The following FAM185A variants were observed in gnomAD, a reference collection of about 807,000 sequenced individuals.
The protein encoded by FAM185A is protein FAM185A.
Under a neutral mutation model 45.7 loss-of-function variants are expected in FAM185A, and 21 were observed. The observed-to-expected ratio is 0.46, with a 90% CI of 0.33 to 0.66. The LOEUF (loss-of-function observed/expected upper bound fraction) is 0.66, where lower values mean the gene tolerates loss of function less well. Ranked by LOEUF, FAM185A falls within the 30% of genes least tolerant of loss-of-function variation. FAM185A has a pLI of 0.03. For synonymous variants in FAM185A, 117 were observed against 194.0 expected (o/e 0.60, Z 3.30); for missense variants, 305 against 485.4 (o/e 0.63, Z 3.49).
chr7:102,772,413 T>G lies in FAM185A; in HGVS notation c.798T>G (p.Asn266Lys). The G allele has an allele frequency of 1.3e-6, 2 of 1,542,822 alleles. No individual in the cohort carries two copies. Among genetic ancestry groups the G allele is most frequent in the East Asian group, 5.0e-5 (2 of 40,358 alleles). The stretch of plus-strand genomic sequence containing the variant: ...GTATCTTTTTCTTTTTGGCAGGTAA[T>G]ATAACATTACAAAGCAAGATGGGTA... ...GDITLGSVHG[N>K]ITLQSKMGNI... Residue 266 changes from asparagine (N) to lysine (K), a missense_variant, in exon 5 of 8, where the codon AAT becomes AAG. By Grantham distance (94) the Asn-to-Lys change is moderately conservative (BLOSUM62 0). Transcript: ENST00000413034.
chr7:102,849,009 A>G, the FAM185A span, among the ~76,000 whole-genome samples: 71,114 of 151,954 alleles, frequency 0.47, 18,415 homozygotes, highest in African/African-American at 0.7. Flanking sequence ...TCAAAAAAAA[A>G]CAACCAGAGT....
chr7:102,751,540 G>GCTGTGGTAGAAGACCCCTTA (rs760476934), intron 1 of FAM185A, among the ~76,000 whole-genome samples, 152 bp from the exon 2 acceptor site: 2,549 of 152,078 alleles, frequency 0.017, 32 homozygotes, highest in East Asian at 0.024. Flanking sequence ...TGGTCCCGTT[G>GCTGTGGTAGAAGACCCCTTA]CTGTGGTAGA....
At chr7:102,794,904 A>T (rs1175323187) in intron 7 of FAM185A, among the ~76,000 whole-genome samples, 2 of 152,234 alleles carry the variant, frequency 1.3e-5, no homozygotes, top group Non-Finnish European at 2.9e-5. Context: ...CAATCTCAAA[A>T]TGGTCCATAC....
chr7:102,788,774 G>A (rs1795975882), intron 7 of FAM185A, among the ~76,000 whole-genome samples: 1 of 152,156 alleles, frequency 6.6e-6, no homozygotes, highest in Non-Finnish European at 1.5e-5. Flanking sequence ...ACTATACACC[G>A]AGGCTGTGTA....
chr7:102,803,168 C>T (rs988024594), intron 7 of FAM185A, among the ~76,000 whole-genome samples: 1 of 152,148 alleles, frequency 6.6e-6, no homozygotes, highest in African/African-American at 2.4e-5. Context: ...GGAACACTCC[C>T]TAATTCATCC....
At chr7:102,840,757 T>C in the FAM185A span, among the ~76,000 whole-genome samples, 1 of 152,190 alleles carries the variant, frequency 6.6e-6, no homozygotes, top group Non-Finnish European at 1.5e-5. Context: ...GAATCTGAAA[T>C]TGTATCTATG....
intron 7 of FAM185A, among the ~76,000 whole-genome samples, chr7:102,805,606 T>C (rs1330432017): frequency 6.6e-6 from 1 of 151,830 alleles, no homozygotes; most frequent in Non-Finnish European, 1.5e-5. Flanking sequence ...GATGGGTGCA[T>C]CAAAATCTCA....
the FAM185A span, among the ~76,000 whole-genome samples, chr7:102,820,772 AACTC>A: frequency 2.9e-4 from 44 of 152,356 alleles, no homozygotes; most frequent in Non-Finnish European, 4.9e-4. Flanking sequence ...CATGATAACT[AACTC>A]ACTTCCATGA....
At chr7:102,784,602 A>G (rs1243438540) in intron 6 of FAM185A, among the ~76,000 whole-genome samples, 4 of 152,196 alleles carry the variant, frequency 2.6e-5, no homozygotes, top group African/African-American at 9.7e-5. Context: ...ATCTCAATAG[A>G]TGCAGAAAAG....
Position 102,784,916 on chromosome 7 carries a change from T to C in FAM185A, c.932-2419T>C, listed in dbSNP as rs1795677926. On this transcript the variant is annotated intron_variant, in intron 6 of 7. Coordinates refer to ENST00000413034, the MANE Select transcript of FAM185A (RefSeq NM_001145268.2). The stretch of plus-strand genomic sequence containing the variant: ...TTGTCCCTGTTTGCAGATGACATGA[T>C]TGTATATCTAGAAAACCCCATCGTC... Among the ~76,000 whole-genome samples the C allele has an allele frequency of 2.0e-5, 3 of 152,344 alleles. No individual in the cohort carries two copies. In the South Asian group the frequency reaches 6.2e-4, roughly 32 times the overall value.
At chr7:102,838,453 A>C in the FAM185A span, among the ~76,000 whole-genome samples, 1 of 152,098 alleles carries the variant, frequency 6.6e-6, no homozygotes, top group African/African-American at 2.4e-5. Flanking sequence ...CATAGTAAAA[A>C]AAAAATTTTT....
intron 4 of FAM185A, among the ~76,000 whole-genome samples, chr7:102,767,973 A>T (rs1794513622): frequency 7.1e-6 from 1 of 140,586 alleles, no homozygotes; most frequent in Non-Finnish European, 1.6e-5. Flanking sequence ...TTATCTCCTA[A>T]ATATTTTTTC....
intron 6 of FAM185A, among the ~76,000 whole-genome samples, chr7:102,786,391 G>A (rs546506530): frequency 6.6e-5 from 10 of 152,258 alleles, no homozygotes; most frequent in East Asian, 1.9e-4. Context: ...TATGTTTATC[G>A]TGGCACTATT....
At chr7:102,787,893 C>T (rs1446265072) in intron 7 of FAM185A, among the ~76,000 whole-genome samples, 1 of 152,128 alleles carries the variant, frequency 6.6e-6, no homozygotes, top group Non-Finnish European at 1.5e-5. Context: ...AAATGTGAAT[C>T]GTTTTTGTAC....
chr7:102,754,206 T>A (rs1379123829), intron 2 of FAM185A, among the ~76,000 whole-genome samples: 2,196 of 10,196 alleles, frequency 0.22, 11 homozygotes, highest in Middle Eastern at 0.4. Context: ...TAAAAAAAAT[T>A]TTTTTTTTTT....
chr7:102,774,659 G>A (rs1794946855), intron 5 of FAM185A, among the ~76,000 whole-genome samples: 1 of 152,158 alleles, frequency 6.6e-6, no homozygotes, highest in South Asian at 2.1e-4. Flanking sequence ...GTGAATGAGT[G>A]TTGAATTTTG....
chr7:102,829,255 G>A, the FAM185A span, among the ~76,000 whole-genome samples: 1 of 152,178 alleles, frequency 6.6e-6, no homozygotes, highest in Non-Finnish European at 1.5e-5. Flanking sequence ...GTCACTTGCT[G>A]CCTATCTGTA....
At chr7:102,820,757 A>G in the FAM185A span, among the ~76,000 whole-genome samples, 4 of 152,082 alleles carry the variant, frequency 2.6e-5, no homozygotes, top group African/African-American at 7.2e-5. Context: ...TCAGGAACCC[A>G]CTCCCATGAT....
At chr7:102,836,720 A>C in the FAM185A span, among the ~76,000 whole-genome samples, 1 of 152,226 alleles carries the variant, frequency 6.6e-6, no homozygotes, top group African/African-American at 2.4e-5. Flanking sequence ...GCTGAGTCAC[A>C]GTGTAGGCAC....
Sources: allele counts gnomAD v4.1 joint callset (sites outside exome capture counted in the v4.1 genomes callset), GRCh38; gene constraint gnomAD v4.1.1; transcripts MANE v1.5; gene names NCBI Gene and HGNC (gene_info 2026-07-23, HGNC 2026-07-21).